TACR3: variants seen among roughly 807,000 people sequenced by gnomAD.
TACR3 encodes neuromedin-K receptor.
Under a neutral mutation model 35.0 loss-of-function variants are expected in TACR3, and 34 were observed. The ratio of observed to expected loss-of-function variants is 0.97; its 90% confidence interval spans 0.74 to 1.30. The LOEUF is 1.30. TACR3 is among the 50% of genes most tolerant of loss of function. The pLI is 0.00. For missense variants in TACR3, 558 were observed against 591.7 expected (o/e 0.94, Z 0.59); for synonymous variants, 233 against 221.1 (o/e 1.05, Z -0.48).
At chr4:103,700,090 T>G (rs1311311655) in intron 1 of TACR3, among the ~76,000 whole-genome samples, 1 of 152,132 alleles carries the variant, frequency 6.6e-6, no homozygotes, top group Non-Finnish European at 1.5e-5. Context: ...GCGAGTCATG[T>G]GCTGGTAAAT....
At chr4:103,613,901 G>C (rs890855678) in intron 3 of TACR3, among the ~76,000 whole-genome samples, 1 of 152,084 alleles carries the variant, frequency 6.6e-6, no homozygotes, top group Non-Finnish European at 1.5e-5. Flanking sequence ...GAGAGAGAAA[G>C]AGTGAGGCAG....
At chr4:103,682,510 A>C (rs942462256) in intron 1 of TACR3, among the ~76,000 whole-genome samples, 6 of 152,094 alleles carry the variant, frequency 3.9e-5, no homozygotes, top group Non-Finnish European at 8.8e-5. Context: ...CTATCACGAG[A>C]ACAGCATGGG....
At chr4:103,603,984 C>T (rs1204891234) in intron 3 of TACR3, among the ~76,000 whole-genome samples, 2 of 152,180 alleles carry the variant, frequency 1.3e-5, no homozygotes, top group Admixed American at 6.5e-5. Context: ...TTTATAGATT[C>T]AATGCTATCC....
At chr4:103,639,205 G>A (rs1283713118) in intron 3 of TACR3, among the ~76,000 whole-genome samples, 2 of 152,082 alleles carry the variant, frequency 1.3e-5, no homozygotes, top group African/African-American at 2.4e-5. Flanking sequence ...GTCCAACAAC[G>A]ATAGACTGGA....
chr4:103,632,978 C>T (rs1725100393), intron 3 of TACR3, among the ~76,000 whole-genome samples: 1 of 151,852 alleles, frequency 6.6e-6, no homozygotes, highest in Admixed American at 6.6e-5. Context: ...ATAGTGAGTA[C>T]ATATTGTAAA....
intron 3 of TACR3, chr4:103,593,308 T>C (rs867809973): frequency 6.6e-6 from 1 of 152,150 alleles, no homozygotes; most frequent in Non-Finnish European, 1.5e-5. Flanking sequence ...CTGTTGAATA[T>C]CTTGAGTCTA....
At chr4:103,628,950 T>C (rs1441847196) in intron 3 of TACR3, among the ~76,000 whole-genome samples, 1 of 152,170 alleles carries the variant, frequency 6.6e-6, no homozygotes, top group Non-Finnish European at 1.5e-5. Context: ...CACAATCAAG[T>C]CAGCTTCATC....
chr4:103,697,516 C>G (rs997808987), intron 1 of TACR3, among the ~76,000 whole-genome samples: 29 of 152,024 alleles, frequency 1.9e-4, no homozygotes, highest in African/African-American at 7.0e-4. Flanking sequence ...GCTTCGCCTC[C>G]CGGGTTCACT....
chr4:103,699,735 A>C (rs936210650), intron 1 of TACR3, among the ~76,000 whole-genome samples: 7 of 152,118 alleles, frequency 4.6e-5, no homozygotes, highest in Non-Finnish European at 7.4e-5. Flanking sequence ...GAAAGATGAG[A>C]TGAGCCAAGG....
At chr4:103,688,458 G>C (rs1434209366) in intron 1 of TACR3, among the ~76,000 whole-genome samples, 1 of 150,906 alleles carries the variant, frequency 6.6e-6, no homozygotes, top group Non-Finnish European at 1.5e-5. Flanking sequence ...AGAGTGAACA[G>C]GCAACCCACA....
At chr4:103,611,529 C>A (rs1724511757) in intron 3 of TACR3, among the ~76,000 whole-genome samples, 1 of 152,114 alleles carries the variant, frequency 6.6e-6, no homozygotes, top group South Asian at 2.1e-4. Flanking sequence ...TGTTGGAGAC[C>A]TTTTATGTGC....
intron 3 of TACR3, among the ~76,000 whole-genome samples, chr4:103,595,180 AATGGTAC>A (rs1161437933): frequency 2.0e-5 from 3 of 152,224 alleles, no homozygotes; most frequent in African/African-American, 7.2e-5. Context: ...ATGGCTGAAC[AATGGTAC>A]TAGTGCAGGC....
intron 1 of TACR3, among the ~76,000 whole-genome samples, chr4:103,718,805 C>A (rs1723145269): frequency 6.6e-6 from 1 of 152,182 alleles, no homozygotes; most frequent in South Asian, 2.1e-4. Flanking sequence ...AGAAAGTTTG[C>A]TGGTACTTAA....
intron 3 of TACR3, among the ~76,000 whole-genome samples, chr4:103,642,320 A>C (rs924987848): frequency 6.0e-5 from 9 of 150,920 alleles, no homozygotes; most frequent in Non-Finnish European, 1.0e-4. Context: ...AAAGGAAGAG[A>C]ATACAATTAT....
At position 103,719,180 on chromosome 4, in the gene TACR3, T is replaced by G. The variant is rs955149687; in HGVS notation, c.496A>C (p.Ile166Leu). The G allele has an allele frequency of 7.4e-6, 12 of 1,614,008 alleles. No homozygotes were observed. Among genetic ancestry groups the G allele is most frequent in the Non-Finnish European group, 1.0e-5 (12 of 1,180,028 alleles). The change falls in exon 1 of 5, where the codon ATC becomes CTC. Residue 166 changes from isoleucine (I) to leucine (L), a missense_variant. Physicochemically the swap from Ile to Leu is conservative, Grantham distance 5. Transcript: ENST00000304883. ...TAGATGCTGGCGAACACAGCTGTGATAGGAAAGAAGTTCTGGAAGCGGCAG... is the reference window on the plus strand; with the variant it reads ...TAGATGCTGGCGAACACAGCTGTGAGAGGAAAGAAGTTCTGGAAGCGGCAG... ...NYCRFQNFFP[I>L]TAVFASIYSM...
chr4:103,629,862 A>AAAAAAAAAAAAAAAAAAAAAAAAC (rs1725011576), intron 3 of TACR3, among the ~76,000 whole-genome samples: 1 of 111,556 alleles, frequency 9.0e-6, no homozygotes, highest in African/African-American at 3.7e-5. Context: ...AAAAAAAAAC[A>AAAAAAAAAAAAAAAAAAAAAAAAC]AAAAAAAAAC....
chr4:103,697,656 C>T (rs1463557059), intron 1 of TACR3, among the ~76,000 whole-genome samples: 1 of 151,946 alleles, frequency 6.6e-6, no homozygotes, highest in African/African-American at 2.4e-5. Context: ...GATCTCCTGA[C>T]CTCGTGATCC....
At chr4:103,715,602 G>A (rs549192267) in intron 1 of TACR3, among the ~76,000 whole-genome samples, 3 of 152,254 alleles carry the variant, frequency 2.0e-5, no homozygotes, top group South Asian at 4.1e-4. Flanking sequence ...ACAAGAAACA[G>A]TGTATGTGGT....
At chr4:103,685,840 G>A (rs1036547665) in intron 1 of TACR3, among the ~76,000 whole-genome samples, 5 of 152,154 alleles carry the variant, frequency 3.3e-5, no homozygotes, top group African/African-American at 1.2e-4. Context: ...AAGATTCCAT[G>A]TCTACCTCTC....
Sources: gnomAD v4.1 joint callset for allele counts (sites outside exome capture counted in the v4.1 genomes callset) on GRCh38, gnomAD v4.1.1 for gene constraint, MANE v1.5 for transcripts, NCBI Gene and HGNC (gene_info 2026-07-23, HGNC 2026-07-21) for gene names.